The following RABGAP1 variants were observed in gnomAD, a reference collection of about 807,000 sequenced individuals.
RABGAP1 encodes rab GTPase-activating protein 1.
Under a neutral mutation model 137.6 loss-of-function variants are expected in RABGAP1, and 23 were observed. The observed-to-expected ratio is 0.17, with a 90% CI of 0.12 to 0.24. The LOEUF is 0.24. RABGAP1 is among the 10% of genes least tolerant of loss of function. The pLI is 1.00. For synonymous variants in RABGAP1, 451 were observed against 450.7 expected, an observed-to-expected ratio of 1.00 and a Z score of -0.01; for missense variants, 906 against 1,275.8, an observed-to-expected ratio of 0.71 and a Z score of 4.42.
intron 2 of RABGAP1, among the ~76,000 whole-genome samples, chr9:122,961,446 G>A (rs991060348): frequency 7.2e-5 from 11 of 152,114 alleles, no homozygotes; most frequent in Non-Finnish European, 1.5e-4. Flanking sequence ...CAAAACGGAA[G>A]GTTCCTTGAA....
chr9:123,004,660 A>C (rs1344109817), intron 10 of RABGAP1, among the ~76,000 whole-genome samples: 1 of 152,202 alleles, frequency 6.6e-6, no homozygotes, highest in African/African-American at 2.4e-5. Context: ...ACGTATTTTC[A>C]GTAATAATTT....
chr9:122,942,038 A>G (rs1218337237), intron 1 of RABGAP1, among the ~76,000 whole-genome samples: 1 of 152,258 alleles, frequency 6.6e-6, no homozygotes, highest in African/African-American at 2.4e-5. Context: ...GTCAGGGAAA[A>G]AAACCTGTTA....
intron 19 of RABGAP1, among the ~76,000 whole-genome samples, chr9:123,084,032 T>C (rs948266631): frequency 6.6e-6 from 1 of 152,186 alleles, no homozygotes; most frequent in African/African-American, 2.4e-5. Context: ...CACTTAACAC[T>C]GGGTCCTTAA....
chr9:122,938,279 T>C (rs991145972), upstream of RABGAP1: 4 of 152,284 alleles, frequency 2.6e-5, 1 homozygote, highest in African/African-American at 9.6e-5. Context: ...AAATCTAATA[T>C]TGTCACTGTC....
At chr9:123,091,138 G>C (rs764370531) in intron 21 of RABGAP1, among the ~76,000 whole-genome samples, 4 of 152,236 alleles carry the variant, frequency 2.6e-5, no homozygotes, top group Non-Finnish European at 5.9e-5. Context: ...ACAAAAACAA[G>C]TGACAGGCTG....
chr9:123,027,848 G>T lies in RABGAP1; in HGVS notation c.1794+7389G>T, dbSNP rs186268592. ...CACAACTGAGCACTCTTGCTGCCTT[G>T]TCCTACATGAAAATAGTGGCTGGTG... is the stretch of plus-strand genomic sequence containing the variant. On this transcript the variant is annotated intron_variant, in intron 13 of 25. Transcript: ENST00000373647. Among the ~76,000 whole-genome samples, 111 of 152,244 alleles carry T rather than the reference G, an allele frequency of 7.3e-4. 1 individual carries two copies. The highest frequency in any genetic ancestry group is 2.6e-3 in the African/African-American group (107 of 41,544).
At chr9:122,941,482 C>T (rs772661893) in intron 1 of RABGAP1, among the ~76,000 whole-genome samples, 1 of 152,224 alleles carries the variant, frequency 6.6e-6, no homozygotes, top group Non-Finnish European at 1.5e-5. Flanking sequence ...CGCTCCCCCC[C>T]GCCTCAGTTT....
At chr9:123,003,802 T>G (rs1446675806) in intron 10 of RABGAP1, among the ~76,000 whole-genome samples, 1 of 152,222 alleles carries the variant, frequency 6.6e-6, no homozygotes, top group African/African-American at 2.4e-5. Flanking sequence ...GAAAATGAGC[T>G]AATGAATAGA....
chr9:122,941,953 C>T (rs1392809831), intron 1 of RABGAP1, among the ~76,000 whole-genome samples: 3 of 152,228 alleles, frequency 2.0e-5, no homozygotes, highest in South Asian at 2.1e-4. Context: ...CTAGTGTTCC[C>T]GCTACTAGTG....
chr9:123,000,587 A>G (rs191349562), intron 10 of RABGAP1, among the ~76,000 whole-genome samples: 59 of 152,304 alleles, frequency 3.9e-4, no homozygotes, highest in African/African-American at 1.4e-3. Context: ...CATGTCCAAA[A>G]AGGTTTATTA....
chr9:123,098,641 C>A, intron 22 of RABGAP1, 74 bp from the exon 23 acceptor site: 1 of 1,318,002 alleles, frequency 7.6e-7, no homozygotes, highest in Non-Finnish European at 1.1e-6. Context: ...GGAAGCCTAG[C>A]ACTAAGCGGT....
intron 6 of RABGAP1, among the ~76,000 whole-genome samples, chr9:122,994,342 A>G (rs1454151092): frequency 1.3e-5 from 2 of 152,210 alleles, no homozygotes; most frequent in African/African-American, 2.4e-5. Context: ...CAATGGGATT[A>G]TATTTACTTG....
chr9:122,989,179 T>C, intron 4 of RABGAP1, 118 bp from the exon 5 acceptor site: 1 of 949,204 alleles, frequency 1.1e-6, no homozygotes, highest in East Asian at 2.4e-5. Flanking sequence ...AAGGTTAATA[T>C]CAGCATACCA....
At chr9:123,095,830 G>A (rs1293902081) in intron 21 of RABGAP1, among the ~76,000 whole-genome samples, 1 of 152,016 alleles carries the variant, frequency 6.6e-6, no homozygotes, top group Admixed American at 6.6e-5. Context: ...ACTTATACAA[G>A]TTTATTAGTA....
chr9:122,986,399 T>C lies in RABGAP1; in HGVS notation c.570T>C (p.Asn190=). Residue 190 remains asparagine, a synonymous_variant, in exon 4 of 26, where the codon AAT becomes AAC. Transcript: ENST00000373647. ...TAGATGTTACCCTTTCAGTGCCGAA[T>C]GTGTCTGAAGGAATTGTGAGGTGAG... is the stretch of plus-strand genomic sequence containing the variant. ...ISLDVTLSVP[N]VSEGIVRLLD... is the part of the protein sequence containing the mutation. 6.2e-7 allele frequency: 1 copy of C among 1,614,160 alleles called. No homozygotes were observed. The highest frequency in any genetic ancestry group is 8.5e-7 in the Non-Finnish European group (1 of 1,179,974).
intron 13 of RABGAP1, chr9:123,029,729 T>G: frequency 1.6e-6 from 1 of 640,414 alleles, no homozygotes; most frequent in Non-Finnish European, 3.0e-6. Context: ...GTGTCTGTCT[T>G]CTTCTTGTAG....
rs184679347 is a variant in RABGAP1 at position 123,099,120 on chromosome 9, G to A, written c.2817+322G>A. Among the ~76,000 whole-genome samples, 8 of 152,288 alleles carry A rather than the reference G, an allele frequency of 5.3e-5. No individual in the cohort carries two copies. In the East Asian group the frequency reaches 1.5e-3, roughly 29 times the overall value. On this transcript the variant is annotated intron_variant, in intron 23 of 25. Transcript: ENST00000373647. ...TTCAGAATTACGAACTTTTGTTTAC[G>A]TGTAGTTTTAAACCGGTTATTTCCC...
At chr9:123,069,859 G>C (rs960106621) in intron 14 of RABGAP1, among the ~76,000 whole-genome samples, 21 of 152,156 alleles carry the variant, frequency 1.4e-4, no homozygotes, top group Admixed American at 1.3e-4. Context: ...ACTCCAGCCT[G>C]AGCAACAGAG....
intron 19 of RABGAP1, among the ~76,000 whole-genome samples, chr9:123,077,689 GTATT>G (rs2034564979): frequency 8.1e-6 from 1 of 123,762 alleles, no homozygotes. Context: ...GTATTGTATT[GTATT>G]TATTTTCTGT....
Sources: gnomAD v4.1 joint callset for allele counts (sites outside exome capture counted in the v4.1 genomes callset) on GRCh38, gnomAD v4.1.1 for gene constraint, MANE v1.5 for transcripts, NCBI Gene and HGNC (gene_info 2026-07-23, HGNC 2026-07-21) for gene names.